The following SIPA1L1 variants were observed in gnomAD, a reference collection of about 807,000 sequenced individuals.
SIPA1L1 encodes signal-induced proliferation-associated 1-like protein 1.
Under a neutral mutation model 162.7 loss-of-function variants are expected in SIPA1L1, and 26 were observed. The observed-to-expected ratio is 0.16, with a 90% CI of 0.12 to 0.22. The LOEUF is 0.22. Ranked by LOEUF, SIPA1L1 falls within the 10% of genes least tolerant of loss-of-function variation. SIPA1L1 has a pLI of 1.00. For missense variants in SIPA1L1, 1,874 were observed against 2,241.0 expected (o/e 0.84, Z 3.31); for synonymous variants, 829 against 837.4 (o/e 0.99, Z 0.17).
chr14:71,680,339 C>T (rs974467638), intron 12 of SIPA1L1, among the ~76,000 whole-genome samples: 2 of 152,090 alleles, frequency 1.3e-5, no homozygotes, highest in Non-Finnish European at 2.9e-5. Context: ...GGGTTTATAA[C>T]GAAATGAAGG....
At chr14:71,332,460 G>T (rs537706016) in intron 2 of SIPA1L1, among the ~76,000 whole-genome samples, 6 of 152,156 alleles carry the variant, frequency 3.9e-5, no homozygotes, top group South Asian at 2.1e-4. Context: ...TATATATATA[G>T]AGAGAAATAA....
In SIPA1L1 at chr14:71,699,065, G is replaced by A. The variant is rs2149786620; in HGVS notation, c.3459G>A (p.Leu1153=). 1 of 1,614,180 alleles carries A rather than the reference G, an allele frequency of 6.2e-7. No individual in the cohort carries two copies. The change falls in exon 14 of 24, where the codon TTG becomes TTA. Residue 1153 remains leucine, a synonymous_variant. Transcript: ENST00000381232. ...RSQCRNSPSN[L]SSSSDTGSVG... Reference sequence around the variant, plus strand: ...AGTGTCGGAACTCTCCTAGCAACTTGTCTTCATCCAGTGATACTGGTTCTG... The same window carrying A: ...AGTGTCGGAACTCTCCTAGCAACTTATCTTCATCCAGTGATACTGGTTCTG...
intron 5 of SIPA1L1, among the ~76,000 whole-genome samples, chr14:71,617,314 G>A (rs1411459100): frequency 2.0e-5 from 3 of 152,216 alleles, no homozygotes; most frequent in Admixed American, 2.0e-4. Context: ...TGAGCTTGAA[G>A]ACCAGACAAC....
At chr14:71,654,991 G>T (rs551108638) in intron 8 of SIPA1L1, among the ~76,000 whole-genome samples, 2 of 152,250 alleles carry the variant, frequency 1.3e-5, no homozygotes, top group South Asian at 4.1e-4. Flanking sequence ...GTCCAGGTTT[G>T]TTAACAGGGG....
At chr14:71,469,419 T>TC (rs1214469801) in intron 2 of SIPA1L1, among the ~76,000 whole-genome samples, 1 of 152,156 alleles carries the variant, frequency 6.6e-6, no homozygotes, top group African/African-American at 2.4e-5. Flanking sequence ...TGTCCTGTCA[T>TC]CCCCTTCCCC....
At chr14:71,385,448 G>A (rs889312094) in intron 2 of SIPA1L1, among the ~76,000 whole-genome samples, 3 of 152,152 alleles carry the variant, frequency 2.0e-5, no homozygotes, top group South Asian at 2.1e-4. Context: ...AAAGCTCCTC[G>A]AGGATAGGGA....
At chr14:71,538,560 G>C (rs1183058298) in intron 4 of SIPA1L1, among the ~76,000 whole-genome samples, 1 of 152,210 alleles carries the variant, frequency 6.6e-6, no homozygotes, top group Non-Finnish European at 1.5e-5. Flanking sequence ...TTATTGCCAA[G>C]TCAGGTCTCT....
intron 2 of SIPA1L1, among the ~76,000 whole-genome samples, chr14:71,390,200 A>G (rs1194945323): frequency 6.6e-6 from 1 of 152,200 alleles, no homozygotes; most frequent in African/African-American, 2.4e-5. Context: ...TAAATGTGTT[A>G]AACAATCCAA....
chr14:71,336,986 C>T (rs1391151882), intron 2 of SIPA1L1, among the ~76,000 whole-genome samples: 1 of 152,178 alleles, frequency 6.6e-6, no homozygotes, highest in Admixed American at 6.5e-5. Flanking sequence ...CTTAGGCCTC[C>T]TTTCTGACCC....
chr14:71,496,658 G>C (rs1452575084), intron 2 of SIPA1L1, among the ~76,000 whole-genome samples: 1 of 152,096 alleles, frequency 6.6e-6, no homozygotes, highest in Non-Finnish European at 1.5e-5. Flanking sequence ...CTGATGTTTT[G>C]TCTGGTTATT....
Position 71,588,820 on chromosome 14 carries a change from C to G in SIPA1L1, c.948C>G (p.Asn316Lys). ...GGAAGTCATCAGATCTTGAAGATAA[C>G]CGATCAGAAGACTCTGTCAGGCCCT... ...ELGKSSDLED[N>K]RSEDSVRPWT... Residue 316 changes from asparagine (N) to lysine (K), a missense_variant, in exon 5 of 24, where the codon AAC becomes AAG. Physicochemically the swap from Asn to Lys is moderately conservative, Grantham distance 94. Around this residue, in one of 5 missense-constraint regions of SIPA1L1, gnomAD observed 685 missense variants for 828.0 expected, o/e 0.83. Coordinates refer to ENST00000381232, the MANE Select transcript of SIPA1L1 (RefSeq NM_001386936.1). This position sits in a 1 kb window ranked among gnomAD's most constrained non-coding sequence, Gnocchi z 4.3. 1 of 1,614,108 alleles carries G rather than the reference C, an allele frequency of 6.2e-7. No individual in the cohort carries two copies. The highest frequency in any genetic ancestry group is 8.5e-7 in the Non-Finnish European group (1 of 1,179,990).
chr14:71,656,207 G>A (rs1189090697), intron 8 of SIPA1L1, among the ~76,000 whole-genome samples: 1 of 152,238 alleles, frequency 6.6e-6, no homozygotes, highest in African/African-American at 2.4e-5. Context: ...AGGACAGAGA[G>A]AAGGGGCTAG....
At chr14:71,649,403 G>A (rs1567397036) in intron 7 of SIPA1L1, among the ~76,000 whole-genome samples, 2 of 151,982 alleles carry the variant, frequency 1.3e-5, no homozygotes, top group African/African-American at 4.8e-5. Context: ...TGTTGCCCAG[G>A]CTTGTCTGGA....
chr14:71,323,142 C>A (rs1170344367), intron 2 of SIPA1L1, among the ~76,000 whole-genome samples: 1 of 152,124 alleles, frequency 6.6e-6, no homozygotes, highest in African/African-American at 2.4e-5. Context: ...TATAGTGCCC[C>A]CATCTTCATT....
chr14:71,551,502 C>G lies in SIPA1L1; in HGVS notation c.-303+22132C>G, dbSNP rs140778602. On this transcript the variant is annotated intron_variant, in intron 4 of 23. Coordinates refer to ENST00000381232, the MANE Select transcript of SIPA1L1 (RefSeq NM_001386936.1). ...ACCCATCAGTAACATATTTCTTAACCACATCTAATCCATCAGTATGCCTAG... is the reference window on the plus strand; with the variant it reads ...ACCCATCAGTAACATATTTCTTAACGACATCTAATCCATCAGTATGCCTAG... 9.7e-4 allele frequency among the ~76,000 whole-genome samples: 147 copies of G among 152,298 alleles called. 1 individual carries two copies. Among genetic ancestry groups the G allele is most frequent in the Non-Finnish European group, 1.7e-3 (115 of 68,014 alleles).
At chr14:71,711,965 T>TCTTGGCAGATCA (rs1327637209) in intron 17 of SIPA1L1, among the ~76,000 whole-genome samples, 4 of 152,218 alleles carry the variant, frequency 2.6e-5, no homozygotes, top group African/African-American at 9.6e-5. Flanking sequence ...GGTATGTTGA[T>TCTTGGCAGATCA]CTTGGCAGAG....
At chr14:71,705,415 C>T in intron 16 of SIPA1L1, 75 bp downstream of exon 16, 3 of 1,077,172 alleles carry the variant, frequency 2.8e-6, no homozygotes. Flanking sequence ...AAATGCTCTG[C>T]TCTTTCCTCT....
At chr14:71,329,449 A>T (rs2140251642) in intron 2 of SIPA1L1, among the ~76,000 whole-genome samples, 1 of 151,806 alleles carries the variant, frequency 6.6e-6, no homozygotes, top group South Asian at 2.1e-4. Context: ...TAATTAATAA[A>T]AAATTTTTCG....
At chr14:71,707,302 C>G (rs1030204512) in intron 16 of SIPA1L1, among the ~76,000 whole-genome samples, 1 of 152,190 alleles carries the variant, frequency 6.6e-6, no homozygotes, top group East Asian at 1.9e-4. Context: ...TCTAAGCCAG[C>G]ATATGGAAAG....
Sources: allele counts gnomAD v4.1 joint callset (sites outside exome capture counted in the v4.1 genomes callset), GRCh38; gene constraint gnomAD v4.1.1; regional missense constraint gnomAD v4.1.1; non-coding constraint Gnocchi (gnomAD v3.1); transcripts MANE v1.5; gene names NCBI Gene and HGNC (gene_info 2026-07-23, HGNC 2026-07-21).